The following MYT1L variants were observed in gnomAD, a reference collection of about 807,000 sequenced individuals.
MYT1L encodes the protein myelin transcription factor 1 like, also known as myelin transcription factor 1-like protein.
In MYT1L, 12 loss-of-function variants were observed where a neutral mutation model predicts 126.7. That is an observed-to-expected ratio of 0.09 (90% confidence interval 0.06 to 0.15). The LOEUF (loss-of-function observed/expected upper bound fraction) is 0.15. MYT1L is among the 10% of genes least tolerant of loss of function. The pLI is 1.00. For synonymous variants in MYT1L, 541 were observed against 604.2 expected (o/e 0.90, Z 1.53); for missense variants, 979 against 1,585.2 (o/e 0.62, Z 6.49).
intron 22 of MYT1L, among the ~76,000 whole-genome samples, chr2:1,807,390 C>T (rs1460120084): frequency 6.6e-6 from 1 of 152,136 alleles, no homozygotes; most frequent in Non-Finnish European, 1.5e-5. Context: ...TGCTTGGGAG[C>T]TGCTCAGGTG....
rs577430557 is a variant in MYT1L at position 1,912,291 on chromosome 2, C to A, written c.1619-181G>T. ...GAGAAAGAAGGTTGACTGGACCCTACGGACCCTACACGAAAGGCCAGAGAA... is the reference window on the plus strand; with the variant it reads ...GAGAAAGAAGGTTGACTGGACCCTAAGGACCCTACACGAAAGGCCAGAGAA... On this transcript the variant is annotated intron_variant, in intron 11 of 24. Coordinates refer to ENST00000647738, the MANE Select transcript of MYT1L (RefSeq NM_001303052.2). The surrounding 1 kb of genome is among the most constrained non-coding windows in gnomAD (Gnocchi z 4.3). Among the ~76,000 whole-genome samples, 2 of 152,268 alleles carry A rather than the reference C, an allele frequency of 1.3e-5. No homozygotes were observed. The highest frequency in any genetic ancestry group is 4.1e-4 in the South Asian group (2 of 4,826).
chr2:1,867,914 A>C (rs181848057), intron 18 of MYT1L, among the ~76,000 whole-genome samples: 1 of 152,198 alleles, frequency 6.6e-6, no homozygotes, highest in Non-Finnish European at 1.5e-5. Flanking sequence ...TTCATGTTAG[A>C]AATATCTATC....
chr2:1,795,558 C>T (rs1289298266), intron 23 of MYT1L: 1 of 152,472 alleles, frequency 6.6e-6, no homozygotes, highest in South Asian at 2.1e-4. Flanking sequence ...CAGAAGGCAT[C>T]CCTGATCACA....
intron 2 of MYT1L, among the ~76,000 whole-genome samples, chr2:2,180,814 CTGTG>C (rs988370942): frequency 6.2e-5 from 9 of 145,258 alleles, no homozygotes; most frequent in Admixed American, 1.4e-4. Flanking sequence ...GTATCCATAC[CTGTG>C]TGTACCTGTG....
chr2:2,068,428 C>A (rs2074141677), intron 3 of MYT1L, among the ~76,000 whole-genome samples: 1 of 152,152 alleles, frequency 6.6e-6, no homozygotes, highest in African/African-American at 2.4e-5. Flanking sequence ...GACACCCAGG[C>A]CAGGGACCCT....
chr2:2,308,337 ATACTC>A (rs1332281901), intron 1 of MYT1L, among the ~76,000 whole-genome samples: 1 of 151,880 alleles, frequency 6.6e-6, no homozygotes, highest in East Asian at 1.9e-4. Context: ...ACACTTCACT[ATACTC>A]TACCTATACT....
chr2:2,206,130 A>T (rs1244259472), intron 2 of MYT1L, among the ~76,000 whole-genome samples: 2 of 151,790 alleles, frequency 1.3e-5, no homozygotes, highest in African/African-American at 2.4e-5. Flanking sequence ...TTACAGGTGC[A>T]CACCACCACG....
chr2:1,840,914 T>C, intron 19 of MYT1L, 71 bp from the exon 20 acceptor site: 1 of 1,118,882 alleles, frequency 8.9e-7, no homozygotes, highest in South Asian at 1.4e-5. Flanking sequence ...CTTTTTTTTT[T>C]TTTTTTTGAG....
At chr2:1,874,625 G>A (rs980173942) in intron 18 of MYT1L, among the ~76,000 whole-genome samples, 6 of 152,170 alleles carry the variant, frequency 3.9e-5, no homozygotes, top group Non-Finnish European at 7.4e-5. Context: ...CTGCTCCCCC[G>A]TCTGAGGCCC....
chr2:1,796,558 A>C (rs1028398246), intron 23 of MYT1L, among the ~76,000 whole-genome samples: 1 of 152,200 alleles, frequency 6.6e-6, no homozygotes, highest in Non-Finnish European at 1.5e-5. Context: ...CCCTCGCACC[A>C]GGAGCTGGGG....
intron 3 of MYT1L, among the ~76,000 whole-genome samples, chr2:2,061,077 G>A (rs866399453): frequency 2.0e-5 from 3 of 152,124 alleles, no homozygotes; most frequent in Admixed American, 6.5e-5. Flanking sequence ...GCAATGGGAA[G>A]GTTTTGATTA....
At chr2:2,220,660 G>C (rs2093834889) in intron 2 of MYT1L, among the ~76,000 whole-genome samples, 1 of 152,086 alleles carries the variant, frequency 6.6e-6, no homozygotes, top group African/African-American at 2.4e-5. Context: ...CCATTTCAAG[G>C]TATGGCAAAG....
Position 1,848,293 on chromosome 2 carries a change from CG to C in MYT1L, c.2774+3347del. Among the ~76,000 whole-genome samples, 1 of 50,570 alleles carries C rather than the reference CG, an allele frequency of 2.0e-5. No individual in the cohort carries two copies. Among genetic ancestry groups the C allele is most frequent in the Middle Eastern group, 7.6e-3 (1 of 132 alleles). 33.2% of individuals were successfully genotyped at this position (50,570 alleles called of 152,430 possible). A position where few individuals can be genotyped will look rare whatever the true frequency, so the allele number is the denominator to read the frequency against. ...GAATTCTACAGACACCACGGAAGCG[CG>C]AGGCATTTGTCCTGGGAGCAGGAGG... On this transcript the variant is annotated intron_variant, in intron 19 of 24. Transcript: ENST00000647738. This position sits in a 1 kb window ranked among gnomAD's most constrained non-coding sequence, Gnocchi z 4.8.
intron 3 of MYT1L, among the ~76,000 whole-genome samples, chr2:2,068,912 T>A (rs540789871): frequency 9.9e-5 from 15 of 151,458 alleles, no homozygotes; most frequent in Non-Finnish European, 2.1e-4. Context: ...TTTCCCTCTA[T>A]GAATCTGATT....
At chr2:2,060,929 T>TA (rs2070378195) in intron 3 of MYT1L, among the ~76,000 whole-genome samples, 1 of 151,936 alleles carries the variant, frequency 6.6e-6, no homozygotes, top group Admixed American at 6.6e-5. Context: ...TCCAGGCTGA[T>TA]ATTTGTAAGC....
At chr2:2,307,024 T>C (rs1322047381) in intron 1 of MYT1L, among the ~76,000 whole-genome samples, 2 of 152,160 alleles carry the variant, frequency 1.3e-5, no homozygotes, top group Non-Finnish European at 1.5e-5. Flanking sequence ...GAAGAGTGAA[T>C]AGGGTGTGTT....
chr2:2,032,092 C>T (rs2066370570), intron 4 of MYT1L, among the ~76,000 whole-genome samples: 3 of 138,520 alleles, frequency 2.2e-5, no homozygotes, highest in African/African-American at 8.6e-5. Context: ...GGGCCTTACA[C>T]ACACCCCTCG....
At chr2:1,951,716 A>G (rs2057767419) in intron 8 of MYT1L, among the ~76,000 whole-genome samples, 2 of 152,238 alleles carry the variant, frequency 1.3e-5, no homozygotes, top group South Asian at 4.1e-4. Context: ...CACTTAGGGC[A>G]GCACACGAAA....
At chr2:1,893,538 C>T (rs947186055) in intron 14 of MYT1L, among the ~76,000 whole-genome samples, 2 of 152,150 alleles carry the variant, frequency 1.3e-5, no homozygotes, top group Non-Finnish European at 2.9e-5. Context: ...TAGTCCTAAT[C>T]GGCAAAGCTC....
Sources: allele counts gnomAD v4.1 joint callset (sites outside exome capture counted in the v4.1 genomes callset), GRCh38; gene constraint gnomAD v4.1.1; non-coding constraint Gnocchi (gnomAD v3.1); transcripts MANE v1.5; gene names NCBI Gene and HGNC (gene_info 2026-07-23, HGNC 2026-07-21).